DRICH1: variants seen among roughly 807,000 people sequenced by gnomAD.
DRICH1 encodes aspartate rich 1.
In DRICH1, 38 loss-of-function variants were observed where a neutral mutation model predicts 39.5. The ratio of observed to expected loss-of-function variants is 0.96; its 90% CI spans 0.74 to 1.26. DRICH1 has a LOEUF of 1.26. Among genes scored for constraint, DRICH1 ranks in the 50% most tolerant of loss-of-function variants. The pLI is 0.00. For missense variants in DRICH1, 279 were observed against 270.4 expected, an observed-to-expected ratio of 1.03 and a Z score of -0.22; for synonymous variants, 84 against 99.5, an observed-to-expected ratio of 0.84 and a Z score of 0.93.
chr22:23,629,241 G>T (rs768007960), intron 1 of DRICH1, among the ~76,000 whole-genome samples: 1 of 152,166 alleles, frequency 6.6e-6, no homozygotes, highest in African/African-American at 2.4e-5. Context: ...GTTTCGCCAG[G>T]TTGGCCAGGC....
At chr22:23,603,870 C>T (rs749031321), downstream of DRICH1, among the ~76,000 whole-genome samples, 8 of 152,160 alleles carry the variant, frequency 5.3e-5, no homozygotes, top group South Asian at 2.1e-4. Context: ...TTGGGGGAGA[C>T]GAAGCCAAGC....
rs182393962 is a variant in DRICH1 at position 23,618,555 on chromosome 22, C to T, written c.436+809G>A. Among the ~76,000 whole-genome samples, 80 of 152,230 alleles carry T rather than the reference C, an allele frequency of 5.3e-4. 1 individual carries two copies. The South Asian group carries it at 9.3e-3, about 18-fold the overall frequency. On this transcript the variant is annotated intron_variant, in intron 6 of 11. Coordinates refer to ENST00000317749, the MANE Select transcript of DRICH1 (RefSeq NM_016449.4). Reference sequence around the variant, plus strand: ...ACACAAACTTTTGGGTCCCTGTGATCAAGGGCTTCAGCAGCTCTGTGTCAA... The same window carrying T: ...ACACAAACTTTTGGGTCCCTGTGATTAAGGGCTTCAGCAGCTCTGTGTCAA...
intron 2 of DRICH1, 68 bp from the exon 3 acceptor site, chr22:23,624,972 G>C: frequency 6.5e-7 from 1 of 1,545,262 alleles, no homozygotes; most frequent in Non-Finnish European, 8.9e-7. Context: ...ACACAGATCA[G>C]TTATTCTCTT....
intron 3 of DRICH1, among the ~76,000 whole-genome samples, chr22:23,623,430 T>A (rs1927886601): frequency 6.6e-6 from 1 of 151,776 alleles, no homozygotes; most frequent in African/African-American, 2.4e-5. Context: ...AAGAAAAAAA[T>A]AGAAATCACA....
the DRICH1 span, among the ~76,000 whole-genome samples, chr22:23,592,895 G>A: frequency 6.7e-6 from 1 of 149,608 alleles, no homozygotes; most frequent in African/African-American, 2.5e-5. Context: ...TAGCTGGCAT[G>A]ATGGCACACA....
At chr22:23,624,422 T>C in intron 3 of DRICH1, 1 of 826,674 alleles carries the variant, frequency 1.2e-6, no homozygotes, top group Non-Finnish European at 1.5e-6. Context: ...ACTCTGAAAA[T>C]AACAAACTCA....
chr22:23,609,451 GC>G (rs1331686064), intron 11 of DRICH1, among the ~76,000 whole-genome samples: 1 of 152,174 alleles, frequency 6.6e-6, no homozygotes, highest in African/African-American at 2.4e-5. Flanking sequence ...CCATCAGCAG[GC>G]ATCTGAGGGA....
intron 11 of DRICH1, among the ~76,000 whole-genome samples, chr22:23,612,383 C>T (rs1396024121): frequency 4.8e-5 from 7 of 144,330 alleles, no homozygotes; most frequent in Admixed American, 4.4e-4. Context: ...ACGAGAATGG[C>T]GTGAACCCGG....
chr22:23,595,276 C>A, the DRICH1 span, among the ~76,000 whole-genome samples: 23 of 148,766 alleles, frequency 1.5e-4, no homozygotes, highest in African/African-American at 4.5e-4. Flanking sequence ...GGTGAAAGTT[C>A]GTGTGTATTC....
chr22:23,622,555 G>A (rs1927812822), intron 3 of DRICH1, among the ~76,000 whole-genome samples: 1 of 131,624 alleles, frequency 7.6e-6, no homozygotes, highest in South Asian at 2.3e-4. Flanking sequence ...CAATTATGCT[G>A]GTACTACATT....
chr22:23,613,663 G>A lies in DRICH1; in HGVS notation c.622-3C>T. On this transcript the variant is annotated splice_polypyrimidine_tract_variant and splice_region_variant and intron_variant, in intron 9 of 11. Transcript: ENST00000317749. The stretch of plus-strand genomic sequence containing the variant: ...CCACTTTCTATCCGAGCTGTTATCT[G>A]CAATTATATAAAAGAAAACATTATG... The A allele has an allele frequency of 6.3e-7, 1 of 1,595,098 alleles. No individual in the cohort carries two copies. The highest frequency in any genetic ancestry group is 8.6e-7 in the Non-Finnish European group (1 of 1,164,014).
At chr22:23,615,350 T>G (rs1412727731) in intron 8 of DRICH1, among the ~76,000 whole-genome samples, 4 of 152,212 alleles carry the variant, frequency 2.6e-5, no homozygotes, top group Non-Finnish European at 5.9e-5. Flanking sequence ...CACTCCAGCC[T>G]GGGCAAGAAC....
At chr22:23,604,052 A>C (rs1926605956), downstream of DRICH1, among the ~76,000 whole-genome samples, 1 of 152,122 alleles carries the variant, frequency 6.6e-6, no homozygotes, top group Non-Finnish European at 1.5e-5. Flanking sequence ...TCCTCATATC[A>C]GTCAAACTGC....
the DRICH1 span, among the ~76,000 whole-genome samples, chr22:23,588,971 T>G: frequency 6.6e-6 from 1 of 152,136 alleles, no homozygotes; most frequent in Non-Finnish European, 1.5e-5. Flanking sequence ...ATCATGCTTC[T>G]GCCGAACATG....
the DRICH1 span, among the ~76,000 whole-genome samples, chr22:23,601,178 G>A: frequency 2.8e-5 from 4 of 140,928 alleles, no homozygotes; most frequent in Non-Finnish European, 4.6e-5. Context: ...ACACACACAC[G>A]TGGAAACAGC....
the DRICH1 span, among the ~76,000 whole-genome samples, chr22:23,601,146 G>GCGCGCACA: frequency 4.1e-4 from 60 of 146,216 alleles, no homozygotes; most frequent in African/African-American, 1.4e-3. Context: ...ACGCACGCGC[G>GCGCGCACA]CACACACACA....
chr22:23,620,552 CAAGTT>C (rs1927657019), intron 5 of DRICH1, 37 bp downstream of exon 5: 1 of 1,467,120 alleles, frequency 6.8e-7, no homozygotes, highest in African/African-American at 1.4e-5. Context: ...TTAAAGCCAG[CAAGTT>C]TGTTTCTCAG....
chr22:23,616,710 C>T lies in DRICH1; in HGVS notation c.541+143G>A, dbSNP rs576673526. Reference sequence around the variant, plus strand: ...GGGTTCACACACATTTCTACAGCCCCTCTTCTCATAGCTATACACTTGCAG... The same window carrying T: ...GGGTTCACACACATTTCTACAGCCCTTCTTCTCATAGCTATACACTTGCAG... On this transcript the variant is annotated intron_variant, in intron 8 of 11. Transcript: ENST00000317749. 1.8e-3 allele frequency: 2,024 copies of T among 1,151,894 alleles called. 24 individuals are homozygous for T. The African/African-American group carries it at 0.025, about 14-fold the overall frequency. The allele number at this position is 1,151,894 out of a possible 1,614,324, so 71.4% of individuals were successfully genotyped here.
At chr22:23,592,776 G>A in the DRICH1 span, among the ~76,000 whole-genome samples, 2 of 151,808 alleles carry the variant, frequency 1.3e-5, no homozygotes, top group South Asian at 2.1e-4. Context: ...CAGATCACCT[G>A]AGGTCAGGAG....
Sources: gnomAD v4.1 joint callset for allele counts (sites outside exome capture counted in the v4.1 genomes callset) on GRCh38, gnomAD v4.1.1 for gene constraint, MANE v1.5 for transcripts, NCBI Gene and HGNC (gene_info 2026-07-23, HGNC 2026-07-21) for gene names.